Variants in QSOX1 observed in about 807,000 individuals in gnomAD.
QSOX1 encodes the protein quiescin sulfhydryl oxidase 1, also known as sulfhydryl oxidase 1.
QSOX1 carries 40 observed loss-of-function variants against 76.1 expected under a neutral mutation model. That is an observed-to-expected ratio of 0.53 (90% CI 0.41 to 0.68). The LOEUF is 0.68. Among genes scored for constraint, QSOX1 ranks in the 30% least tolerant of loss-of-function variants. QSOX1 has a pLI of 0.00. For synonymous variants in QSOX1, 392 were observed against 413.1 expected, an observed-to-expected ratio of 0.95 and a Z score of 0.62; for missense variants, 931 against 974.3, an observed-to-expected ratio of 0.96 and a Z score of 0.59.
chr1:180,168,001 G>A (rs11803362), intron 2 of QSOX1, among the ~76,000 whole-genome samples: 20,592 of 152,262 alleles, frequency 0.14, 1,529 homozygotes, highest in Middle Eastern at 0.21. Flanking sequence ...AGCATGAGCC[G>A]CAGGGGTGCA....
Position 180,197,789 on chromosome 1 carries a change from A to C in QSOX1, c.*752A>C. On this transcript the variant is annotated 3_prime_UTR_variant, in exon 12 of 12. Transcript: ENST00000367602. ...AAGATGGCTGCTTTCACTTCCCCCC[A>C]TTGAGCTCTGCTCCCTCTGAGCCTG... The C allele has an allele frequency of 3.8e-6, 1 of 262,610 alleles. No homozygotes were observed. Among genetic ancestry groups the C allele is most frequent in the Non-Finnish European group, 7.5e-6 (1 of 132,998 alleles). The allele number at this position is 262,610 out of a possible 1,614,324, so 16.3% of individuals were successfully genotyped here.
At chr1:180,193,538 C>T (rs1048926236) in intron 10 of QSOX1, among the ~76,000 whole-genome samples, 3 of 151,958 alleles carry the variant, frequency 2.0e-5, no homozygotes, top group Admixed American at 2.0e-4. Context: ...AGCTTGGAGG[C>T]AAGCACCAGC....
chr1:180,162,788 A>C (rs1272536629), intron 1 of QSOX1, among the ~76,000 whole-genome samples: 2 of 152,202 alleles, frequency 1.3e-5, no homozygotes, highest in African/African-American at 4.8e-5. Flanking sequence ...TCAAAATAGG[A>C]TCACAGGTCA....
intron 5 of QSOX1, among the ~76,000 whole-genome samples, chr1:180,179,578 G>A (rs1662978831): frequency 1.3e-5 from 2 of 152,270 alleles, no homozygotes; most frequent in African/African-American, 4.8e-5. Context: ...GCCTAATGCA[G>A]AGAGCTCACC....
chr1:180,165,091 C>T (rs1662583759), intron 1 of QSOX1, among the ~76,000 whole-genome samples: 1 of 152,208 alleles, frequency 6.6e-6, no homozygotes, highest in Admixed American at 6.5e-5. Flanking sequence ...CCTCGTCTAA[C>T]ATTGGAGATC....
chr1:180,190,294 G>A (rs1170710537), intron 9 of QSOX1, 139 bp from the exon 10 acceptor site: 1 of 991,670 alleles, frequency 1.0e-6, no homozygotes, highest in Non-Finnish European at 1.5e-6. Flanking sequence ...GGTGGAACTG[G>A]TGAAAGGGAA....
At chr1:180,175,840 G>C in intron 3 of QSOX1, 91 bp from the exon 4 acceptor site, 1 of 1,012,410 alleles carries the variant, frequency 9.9e-7, no homozygotes, top group Non-Finnish European at 1.5e-6. Flanking sequence ...TGTGCCCTCG[G>C]CCCTTTGTTT....
intron 2 of QSOX1, among the ~76,000 whole-genome samples, chr1:180,167,342 C>T (rs1662653827): frequency 6.6e-6 from 1 of 152,166 alleles, no homozygotes; most frequent in South Asian, 2.1e-4. Flanking sequence ...TAATATGTAC[C>T]CTCCCACCAG....
At position 180,198,417 on chromosome 1, in the gene QSOX1, G is replaced by T. The variant is rs528722547; in HGVS notation, c.*1380G>T. Reference sequence around the variant, plus strand: ...GGAGTCAGCCAGGATTAGAGAGCCTGCCCCTAATCCGGCCTGCTGGGTTTT... The same window carrying T: ...GGAGTCAGCCAGGATTAGAGAGCCTTCCCCTAATCCGGCCTGCTGGGTTTT... On this transcript the variant is annotated 3_prime_UTR_variant, in exon 12 of 12. Coordinates refer to ENST00000367602, the MANE Select transcript of QSOX1 (RefSeq NM_002826.5). The T allele has an allele frequency of 6.6e-6, 3 of 456,238 alleles. No individual in the cohort carries two copies. The highest frequency in any genetic ancestry group is 4.6e-5 in the South Asian group (3 of 64,558). 28.3% of individuals were successfully genotyped at this position (456,238 alleles called of 1,614,324 possible).
intron 7 of QSOX1, among the ~76,000 whole-genome samples, chr1:180,184,286 G>C (rs547362428): frequency 6.6e-6 from 1 of 152,128 alleles, no homozygotes; most frequent in Non-Finnish European, 1.5e-5. Flanking sequence ...GGGCTGACTG[G>C]GGAATGAACA....
chr1:180,171,121 A>G (rs1662749566), intron 2 of QSOX1, among the ~76,000 whole-genome samples: 2 of 152,232 alleles, frequency 1.3e-5, no homozygotes, highest in South Asian at 4.1e-4. Context: ...AACTAACCTT[A>G]GTAGCAGTGA....
At chr1:180,166,176 A>AG (rs1216090407) in intron 1 of QSOX1, among the ~76,000 whole-genome samples, 3 of 152,194 alleles carry the variant, frequency 2.0e-5, no homozygotes, top group African/African-American at 7.2e-5. Flanking sequence ...GGCGAGGAGC[A>AG]GGGCAAACTC....
intron 8 of QSOX1, among the ~76,000 whole-genome samples, chr1:180,188,283 C>T (rs1027465671): frequency 6.6e-6 from 1 of 151,990 alleles, no homozygotes; most frequent in East Asian, 1.9e-4. Flanking sequence ...TCAGGAGGCC[C>T]TCTGCATGTC....
chr1:180,194,996 C>CGGGGG (rs139041586), intron 11 of QSOX1, among the ~76,000 whole-genome samples: 60 of 135,960 alleles, frequency 4.4e-4, no homozygotes, highest in African/African-American at 1.6e-3. Context: ...GACAGCCTCC[C>CGGGGG]GGGGGGGGGA....
intron 11 of QSOX1, among the ~76,000 whole-genome samples, chr1:180,195,218 G>T (rs1472699657): frequency 6.6e-6 from 1 of 152,074 alleles, no homozygotes; most frequent in South Asian, 2.1e-4. Context: ...GCTGCTGGAG[G>T]GCCAGGAGCC....
chr1:180,167,243 G>T (rs1025209356), intron 2 of QSOX1, among the ~76,000 whole-genome samples: 1 of 152,216 alleles, frequency 6.6e-6, no homozygotes, highest in South Asian at 2.1e-4. Flanking sequence ...GCCCTCCCCT[G>T]GGCTCAGGCC....
intron 2 of QSOX1, among the ~76,000 whole-genome samples, chr1:180,172,978 G>A (rs1200088070): frequency 6.6e-6 from 1 of 152,182 alleles, no homozygotes; most frequent in East Asian, 1.9e-4. Context: ...CCATCTCAAG[G>A]CTTCATGATG....
In QSOX1 at chr1:180,178,615, A is replaced by C. The variant is rs551279279; in HGVS notation, c.516-179A>C. On this transcript the variant is annotated intron_variant, in intron 4 of 11. Transcript: ENST00000367602. ...GATGAAGAGCCAGGGTTAGATAACA[A>C]GAGCAACATCCTTTGAGACTAAAGG... 2.2e-4 allele frequency among the ~76,000 whole-genome samples: 34 copies of C among 152,384 alleles called. 1 individual carries two copies. In the South Asian group the frequency reaches 4.8e-3, roughly 21 times the overall value.
chr1:180,184,958 A>G (rs1663137128), intron 7 of QSOX1, among the ~76,000 whole-genome samples: 1 of 152,230 alleles, frequency 6.6e-6, no homozygotes, highest in Non-Finnish European at 1.5e-5. Context: ...CGATCATTAC[A>G]GTTATGCAAA....
Sources: gnomAD v4.1 joint callset for allele counts (sites outside exome capture counted in the v4.1 genomes callset) on GRCh38, gnomAD v4.1.1 for gene constraint, MANE v1.5 for transcripts, NCBI Gene and HGNC (gene_info 2026-07-23, HGNC 2026-07-21) for gene names.